Variants in LRBA observed in about 807,000 individuals in gnomAD.
LRBA encodes the protein lipopolysaccharide-responsive and beige-like anchor protein.
Under a neutral mutation model 330.0 loss-of-function variants are expected in LRBA, and 176 were observed. The ratio of observed to expected loss-of-function variants is 0.53; its 90% confidence interval spans 0.47 to 0.60. The LOEUF (loss-of-function observed/expected upper bound fraction) is 0.60, where lower values mean the gene tolerates loss of function less well. Ranked by LOEUF, LRBA falls within the 20% of genes least tolerant of loss-of-function variation. LRBA has a pLI of 0.00. For synonymous variants in LRBA, 1,230 were observed against 1,193.0 expected (o/e 1.03, Z -0.64); for missense variants, 3,259 against 3,444.8 (o/e 0.95, Z 1.35).
intron 37 of LRBA, among the ~76,000 whole-genome samples, chr4:150,644,128 G>T (rs1778925378): frequency 6.6e-6 from 1 of 151,874 alleles, no homozygotes. Flanking sequence ...TGTTTTTAAA[G>T]GCATAGTGGA....
intron 37 of LRBA, among the ~76,000 whole-genome samples, chr4:150,678,171 G>A (rs1206052468): frequency 6.6e-6 from 1 of 151,856 alleles, no homozygotes; most frequent in African/African-American, 2.4e-5. Flanking sequence ...AACCCAGGAT[G>A]GGGAGGTTGC....
intron 34 of LRBA, among the ~76,000 whole-genome samples, chr4:150,793,543 T>C (rs533134287): frequency 6.6e-6 from 1 of 152,302 alleles, no homozygotes; most frequent in South Asian, 2.1e-4. Context: ...ATTTATCAAT[T>C]ATACAAGTAC....
intron 44 of LRBA, among the ~76,000 whole-genome samples, chr4:150,443,657 TG>T (rs1752136799): frequency 6.6e-6 from 1 of 151,556 alleles, no homozygotes; most frequent in South Asian, 2.1e-4. Flanking sequence ...TGAGAACACT[TG>T]GACACAGGAA....
intron 37 of LRBA, among the ~76,000 whole-genome samples, chr4:150,668,176 C>T (rs1301782008): frequency 6.6e-6 from 1 of 152,184 alleles, no homozygotes; most frequent in Non-Finnish European, 1.5e-5. Context: ...AGCAATTATT[C>T]TTGTGGACTC....
chr4:150,589,068 CACACAG>C lies in LRBA; in HGVS notation c.6194-890_6194-885del, dbSNP rs1181864268. Among the ~76,000 whole-genome samples, 147 of 149,614 alleles carry C rather than the reference CACACAG, an allele frequency of 9.8e-4. 1 individual carries two copies. The highest frequency in any genetic ancestry group is 1.5e-3 in the South Asian group (7 of 4,786). On this transcript the variant is annotated intron_variant, in intron 39 of 56. Transcript: ENST00000651943. ...ACACACACACACACACACACACACA[CACACAG>C]AGAGAGAGAGATCGACGTAGAAAGA... is the stretch of plus-strand genomic sequence containing the variant.
At chr4:150,748,840 G>C (rs1733125730) in intron 35 of LRBA, among the ~76,000 whole-genome samples, 1 of 152,018 alleles carries the variant, frequency 6.6e-6, no homozygotes, top group African/African-American at 2.4e-5. Context: ...TGTAATTAAG[G>C]CCTTTAAAGA....
intron 35 of LRBA, among the ~76,000 whole-genome samples, chr4:150,735,854 T>C (rs1731112639): frequency 6.6e-6 from 1 of 152,142 alleles, no homozygotes; most frequent in Non-Finnish European, 1.5e-5. Context: ...CCCGGTAGAC[T>C]ACCCAAGAGT....
chr4:150,520,097 A>G (rs749457739), intron 40 of LRBA, among the ~76,000 whole-genome samples: 1 of 152,206 alleles, frequency 6.6e-6, no homozygotes, highest in Non-Finnish European at 1.5e-5. Context: ...TACATGGAAG[A>G]TATTTTCTCC....
At chr4:150,319,993 G>A (rs924136739) in intron 50 of LRBA, among the ~76,000 whole-genome samples, 2 of 152,098 alleles carry the variant, frequency 1.3e-5, no homozygotes, top group Non-Finnish European at 2.9e-5. Context: ...TTTTAAATTT[G>A]CCTACCTAAA....
intron 9 of LRBA, among the ~76,000 whole-genome samples, chr4:150,912,879 C>T (rs776944072): frequency 2.0e-5 from 3 of 152,056 alleles, no homozygotes; most frequent in Admixed American, 1.3e-4. Context: ...CACTGAATCT[C>T]GTAAGTTTTG....
chr4:150,461,674 A>G (rs1274851205), intron 44 of LRBA, among the ~76,000 whole-genome samples: 2 of 151,894 alleles, frequency 1.3e-5, no homozygotes, highest in African/African-American at 4.8e-5. Context: ...ATAATAATAA[A>G]GTGGATGATC....
intron 10 of LRBA, 23 bp from the exon 11 acceptor site, chr4:150,908,490 A>G (rs375885182): frequency 5.8e-5 from 92 of 1,573,442 alleles, no homozygotes; most frequent in Non-Finnish European, 7.4e-5. Context: ...AAAACACAGT[A>G]AAGAGTTCAA....
chr4:150,910,163 C>T (rs1299700441), intron 9 of LRBA, among the ~76,000 whole-genome samples: 1 of 152,158 alleles, frequency 6.6e-6, no homozygotes, highest in Non-Finnish European at 1.5e-5. Context: ...ACTTTGACAA[C>T]ATCTTATTTG....
At chr4:150,899,860 GTT>G (rs1211386497) in intron 14 of LRBA, among the ~76,000 whole-genome samples, 187 bp downstream of exon 14, 1 of 152,030 alleles carries the variant, frequency 6.6e-6, no homozygotes, top group Non-Finnish European at 1.5e-5. Context: ...CAAGTAGCAA[GTT>G]ATTAAACTCT....
intron 48 of LRBA, among the ~76,000 whole-genome samples, chr4:150,334,767 A>G (rs1171974952): frequency 7.2e-6 from 1 of 139,154 alleles, no homozygotes; most frequent in African/African-American, 2.8e-5. Flanking sequence ...CTAAAAGACA[A>G]TTTAAAAAAA....
chr4:150,452,947 A>G (rs2152033463), intron 44 of LRBA, among the ~76,000 whole-genome samples: 1 of 152,346 alleles, frequency 6.6e-6, no homozygotes, highest in East Asian at 1.9e-4. Context: ...TAAACGTTTT[A>G]TAACAAGATT....
intron 2 of LRBA, among the ~76,000 whole-genome samples, chr4:150,975,656 T>C (rs1401513793): frequency 6.6e-6 from 1 of 151,610 alleles, no homozygotes; most frequent in Admixed American, 6.6e-5. Flanking sequence ...TATTAAGAAA[T>C]TATTTAAGAA....
At chr4:150,618,856 A>G (rs1186570832) in intron 37 of LRBA, among the ~76,000 whole-genome samples, 5 of 149,616 alleles carry the variant, frequency 3.3e-5, no homozygotes, top group African/African-American at 4.9e-5. Context: ...ATGTATATAT[A>G]TATATATATA....
intron 36 of LRBA, among the ~76,000 whole-genome samples, chr4:150,723,100 T>C (rs1352360043): frequency 6.6e-6 from 1 of 152,124 alleles, no homozygotes; most frequent in Non-Finnish European, 1.5e-5. Context: ...ACTGGGTTCC[T>C]AGATAAACTT....
Sources: allele counts gnomAD v4.1 joint callset (sites outside exome capture counted in the v4.1 genomes callset), GRCh38; gene constraint gnomAD v4.1.1; transcripts MANE v1.5; gene names NCBI Gene and HGNC (gene_info 2026-07-23, HGNC 2026-07-21).